ARRDC5: variants seen among roughly 807,000 people sequenced by gnomAD.
ARRDC5 encodes the protein arrestin domain-containing protein 5.
In ARRDC5, 12 loss-of-function variants were observed where a neutral mutation model predicts 13.3. The ratio of observed to expected loss-of-function variants is 0.90; its 90% CI spans 0.58 to 1.46. ARRDC5 has a LOEUF of 1.46. Ranked by LOEUF, ARRDC5 falls within the 40% of genes most tolerant of loss-of-function variation. The pLI is 0.00. For missense variants in ARRDC5, 406 were observed against 418.7 expected (o/e 0.97, Z 0.26); for synonymous variants, 181 against 173.4 (o/e 1.04, Z -0.34).
At chr19:4,896,919 C>T in intron 1 of ARRDC5, 43 bp from the exon 2 acceptor site, 1 of 1,353,740 alleles carries the variant, frequency 7.4e-7, no homozygotes, top group Non-Finnish European at 1.0e-6. Context: ...GTTCTAGAAT[C>T]TTTTTTCCTT....
In ARRDC5 at chr19:4,896,361, T is replaced by TTTAC. The variant is rs761253103; in HGVS notation, c.459+309_459+310insGTAA. Among the ~76,000 whole-genome samples the TTTAC allele has an allele frequency of 9.4e-5, 8 of 84,960 alleles. No homozygotes were observed. In the East Asian group the frequency reaches 1.1e-3, roughly 11 times the overall value. The allele number at this position is 84,960 out of a possible 152,430, so 55.7% of individuals were successfully genotyped here. On this transcript the variant is annotated intron_variant, in intron 2 of 2. Coordinates refer to ENST00000650722, the MANE Select transcript of ARRDC5 (RefSeq NM_001080523.3). ...ATATATATATATATTTTTTTTTTTT[T>TTTAC]ACACACACACACACACACACACACA...
At position 4,891,376 on chromosome 19, in the gene ARRDC5, C is replaced by T; in HGVS notation, c.657G>A (p.Glu219=). Residue 219 remains glutamate, a synonymous_variant, in exon 3 of 3, where the codon GAG becomes GAA. Transcript: ENST00000650722. Reference sequence around the variant, plus strand: ...GCCGCTCTGCACTGGGCGTGAAGCCCTCGTACTGTATGTGGGCATACAGGG... The same window carrying T: ...GCCGCTCTGCACTGGGCGTGAAGCCTTCGTACTGTATGTGGGCATACAGGG... ...VFALYAHIQY[E]GFTPSAERRS... 8 of 1,613,606 alleles carry T rather than the reference C, an allele frequency of 5.0e-6. No homozygotes were observed. The highest frequency in any genetic ancestry group is 6.8e-6 in the Non-Finnish European group (8 of 1,179,892).
the ARRDC5 span, among the ~76,000 whole-genome samples, chr19:4,914,337 A>T: frequency 6.6e-6 from 1 of 152,122 alleles, no homozygotes; most frequent in African/African-American, 2.4e-5. Flanking sequence ...AAAGCAACAC[A>T]GTTCCCGGTG....
In ARRDC5 at chr19:4,891,154, G is replaced by T; in HGVS notation, c.879C>A (p.Ser293Arg). Residue 293 changes from serine to arginine, a missense_variant, in exon 3 of 3, where the codon AGC (serine) becomes AGA (arginine). By Grantham distance (110) the Ser-to-Arg change is moderately radical. Transcript: ENST00000650722. ...TGATGATGGGAACTTTGGCCTTGAG[G>T]CTGGTCAGGGACCAGGGCAGGTGCA... is the stretch of plus-strand genomic sequence containing the variant. ...TTVHLPWSLT[S>R]LKAKVPIIIT... is the part of the protein sequence containing the mutation. 1 of 1,614,000 alleles carries T rather than the reference G, an allele frequency of 6.2e-7. No homozygotes were observed. Among genetic ancestry groups the T allele is most frequent in the Non-Finnish European group, 8.5e-7 (1 of 1,179,884 alleles).
At chr19:4,893,726 C>CAAA (rs61307077) in intron 2 of ARRDC5, among the ~76,000 whole-genome samples, 1 of 56,906 alleles carries the variant, frequency 1.8e-5, no homozygotes, top group African/African-American at 7.8e-5. Context: ...ACCCTGTCTC[C>CAAA]AAAAAAAAAA....
chr19:4,898,691 C>T lies in ARRDC5; in HGVS notation c.254-1815G>A, dbSNP rs1428309994. On this transcript the variant is annotated intron_variant, in intron 1 of 2. Transcript: ENST00000650722. ...TTTTTTTTTTTTTTTGAGACAGGGT[C>T]TCACTTTGTCACTCAGCCTGGACCT... 7.0e-5 allele frequency among the ~76,000 whole-genome samples: 6 copies of T among 85,408 alleles called. No homozygotes were observed. The South Asian group carries it at 1.3e-3, about 19-fold the overall frequency. The allele number at this position is 85,408 out of a possible 152,430, so 56.0% of individuals were successfully genotyped here. A position where few individuals can be genotyped will look rare whatever the true frequency, so the allele number is the denominator to read the frequency against.
upstream of ARRDC5, among the ~76,000 whole-genome samples, chr19:4,904,153 G>A (rs919314813): frequency 2.0e-5 from 3 of 151,424 alleles, no homozygotes; most frequent in South Asian, 2.1e-4. Flanking sequence ...CCCCGTGCCC[G>A]GCTAATTTTT....
At chr19:4,900,638 G>A (rs1051657487) in intron 1 of ARRDC5, among the ~76,000 whole-genome samples, 1 of 152,116 alleles carries the variant, frequency 6.6e-6, no homozygotes, top group African/African-American at 2.4e-5. Flanking sequence ...CATGGCTGGA[G>A]TCCCTCCTAT....
chr19:4,898,550 T>TG (rs1477128347), intron 1 of ARRDC5, among the ~76,000 whole-genome samples: 1 of 151,968 alleles, frequency 6.6e-6, no homozygotes, highest in African/African-American at 2.4e-5. Flanking sequence ...TTAGTAGAGA[T>TG]GGGGTTTCAC....
intron 2 of ARRDC5, among the ~76,000 whole-genome samples, chr19:4,894,681 C>CAAAAA (rs375739622): frequency 5.0e-5 from 3 of 60,158 alleles, no homozygotes; most frequent in African/African-American, 1.7e-4. Context: ...GAGACTGTCT[C>CAAAAA]AAAAAAAAAA....
intron 1 of ARRDC5, among the ~76,000 whole-genome samples, chr19:4,901,212 A>G (rs2031901177): frequency 6.6e-6 from 1 of 152,010 alleles, no homozygotes; most frequent in African/African-American, 2.4e-5. Context: ...TCAGCTACTC[A>G]GGAGGCTGAG....
rs1422643795 is a variant in ARRDC5, at chr19:4,891,320, C to T, written c.713G>A (p.Arg238Lys). The T allele has an allele frequency of 1.2e-6, 2 of 1,613,922 alleles. No individual in the cohort carries two copies. Among genetic ancestry groups the T allele is most frequent in the Non-Finnish European group, 1.7e-6 (2 of 1,179,888 alleles). ...RSRLDSSELL[R>K]QEANTPVTRF... The stretch of plus-strand genomic sequence containing the variant: ...GGTCACGGGGGTGTTGGCCTCCTGC[C>T]TCAGAAGCTCGCTGCTGTCCAGCCG... The change falls in exon 3 of 3, where the codon AGG becomes AAG. Residue 238 changes from arginine to lysine, a missense_variant. Transcript: ENST00000650722.
At chr19:4,894,542 G>A in intron 2 of ARRDC5, among the ~76,000 whole-genome samples, 1 of 131,550 alleles carries the variant, frequency 7.6e-6, no homozygotes, top group Non-Finnish European at 1.6e-5. Context: ...AAATTAGCCG[G>A]GCATGGTGGT....
At chr19:4,911,011 G>A in the ARRDC5 span, 1 of 1,609,684 alleles carries the variant, frequency 6.2e-7, no homozygotes, top group Non-Finnish European at 8.5e-7. Flanking sequence ...AGCCAGGCCT[G>A]CAGAGGCTGT....
chr19:4,896,979 C>T (rs1272109348), intron 1 of ARRDC5, 103 bp from the exon 2 acceptor site: 2 of 796,280 alleles, frequency 2.5e-6, no homozygotes, highest in Non-Finnish European at 3.9e-6. Flanking sequence ...ATTTTTGAGA[C>T]ACGGTCTCAC....
rs1451472703 is a variant in ARRDC5, at chr19:4,891,562, G to A, written c.471C>T (p.Phe157=). 1.9e-5 allele frequency: 30 copies of A among 1,611,820 alleles called. No individual in the cohort carries two copies. The highest frequency in any genetic ancestry group is 1.6e-4 in the Middle Eastern group (1 of 6,076). Residue 157 remains phenylalanine (F), a synonymous_variant, in exon 3 of 3, where the codon TTC becomes TTT. Transcript: ENST00000650722. ...AGGAGACTTTCTCCTCAGCCTCCAC[G>A]AACAAGGGGTTCTAGGAGGATGTGG... ...HKETPFQNPL[F]VEAEEKVSYN...
At chr19:4,906,684 T>G (rs1487660254), upstream of ARRDC5, among the ~76,000 whole-genome samples, 1 of 151,688 alleles carries the variant, frequency 6.6e-6, no homozygotes, top group African/African-American at 2.4e-5. Flanking sequence ...ACCCAGGAGG[T>G]GGAGGTTGCG....
At chr19:4,898,070 G>C (rs1235065818) in intron 1 of ARRDC5, among the ~76,000 whole-genome samples, 1 of 152,144 alleles carries the variant, frequency 6.6e-6, no homozygotes, top group Non-Finnish European at 1.5e-5. Flanking sequence ...CTGGGTGACA[G>C]AGCGAGACGC....
At chr19:4,905,165 G>A (rs1276670551), upstream of ARRDC5, among the ~76,000 whole-genome samples, 1 of 139,258 alleles carries the variant, frequency 7.2e-6, no homozygotes, top group Non-Finnish European at 1.5e-5. Context: ...CGCCCAGGCT[G>A]GAGTGCAGTG....
Sources: gnomAD v4.1 joint callset for allele counts (sites outside exome capture counted in the v4.1 genomes callset) on GRCh38, gnomAD v4.1.1 for gene constraint, MANE v1.5 for transcripts, NCBI Gene and HGNC (gene_info 2026-07-23, HGNC 2026-07-21) for gene names.